LIPC: variants seen among roughly 807,000 people sequenced by gnomAD.
The protein encoded by LIPC is lipase C, hepatic type, also known as hepatic triacylglycerol lipase.
A neutral mutation model predicts 50.7 loss-of-function variants in LIPC; 44 were observed. That is an observed-to-expected ratio of 0.87 (90% CI 0.68 to 1.11). The LOEUF (loss-of-function observed/expected upper bound fraction) is 1.11, where lower values mean the gene tolerates loss of function less well. Ranked by LOEUF, LIPC falls within the 50% of genes most tolerant of loss-of-function variation. The probability of loss-of-function intolerance (pLI) is 0.00; values close to 1 mark genes in which losing one functional copy is unlikely to be tolerated. For synonymous variants in LIPC, 271 were observed against 256.4 expected (o/e 1.06, Z -0.54); for missense variants, 697 against 648.2 (o/e 1.08, Z -0.82).
At chr15:58,493,572 A>G (rs1206658540) in intron 1 of LIPC, among the ~76,000 whole-genome samples, 8 of 143,492 alleles carry the variant, frequency 5.6e-5, no homozygotes, top group African/African-American at 1.8e-4. Context: ...AATAAAATTT[A>G]TACAAAATTT....
chr15:58,564,380 C>T (rs776368743), intron 8 of LIPC, among the ~76,000 whole-genome samples: 2 of 152,044 alleles, frequency 1.3e-5, no homozygotes, highest in African/African-American at 2.4e-5. Flanking sequence ...TTAACATCTC[C>T]CGTGGCCCCA....
chr15:58,565,058 G>A, intron 8 of LIPC: 1 of 780,354 alleles, frequency 1.3e-6, no homozygotes. Context: ...ACTGCCAGAT[G>A]CCGGCCTGTG....
intron 1 of LIPC, among the ~76,000 whole-genome samples, chr15:58,511,848 C>T (rs1000227008): frequency 2.0e-5 from 3 of 152,124 alleles, no homozygotes; most frequent in East Asian, 1.9e-4. Flanking sequence ...TACAACCACA[C>T]GTTAGGATTC....
At chr15:58,555,858 C>T (rs553471801) in intron 6 of LIPC, among the ~76,000 whole-genome samples, 3 of 152,194 alleles carry the variant, frequency 2.0e-5, no homozygotes, top group South Asian at 2.1e-4. Context: ...CTCCAGAGCA[C>T]GGGGGAGCAG....
intron 1 of LIPC, chr15:58,436,469 C>A: frequency 3.9e-6 from 1 of 257,876 alleles, no homozygotes; most frequent in African/African-American, 2.2e-5. Context: ...ATTTGAATAT[C>A]TTAAAGTTAA....
intron 1 of LIPC, among the ~76,000 whole-genome samples, chr15:58,508,146 A>G (rs954246705): frequency 6.6e-6 from 1 of 151,264 alleles, no homozygotes; most frequent in African/African-American, 2.4e-5. Flanking sequence ...CTTCCTTGGT[A>G]TTTCCAGACT....
At chr15:58,498,750 G>A (rs1891865735) in intron 1 of LIPC, 1 of 152,130 alleles carries the variant, frequency 6.6e-6, no homozygotes, top group African/African-American at 2.4e-5. Flanking sequence ...CATTAGACTG[G>A]GAGTCACAAA....
At chr15:58,471,077 C>T (rs926580602) in intron 1 of LIPC, among the ~76,000 whole-genome samples, 3 of 151,022 alleles carry the variant, frequency 2.0e-5, no homozygotes, top group African/African-American at 7.3e-5. Flanking sequence ...TCAGGACATA[C>T]CCAATGACCT....
At chr15:58,432,783 T>G (rs1893169675) in intron 1 of LIPC, among the ~76,000 whole-genome samples, 1 of 152,190 alleles carries the variant, frequency 6.6e-6, no homozygotes, top group African/African-American at 2.4e-5. Context: ...GACCAATAAA[T>G]GACGGATCAG....
chr15:58,482,362 G>A (rs556211607), intron 1 of LIPC, among the ~76,000 whole-genome samples: 1 of 152,276 alleles, frequency 6.6e-6, no homozygotes, highest in South Asian at 2.1e-4. Flanking sequence ...TCCAGCTCAT[G>A]CTCTGTTCTC....
At chr15:58,445,107 GGGGCTCAGGGAGCCT>G (rs1452085266) in intron 1 of LIPC, among the ~76,000 whole-genome samples, 2 of 152,204 alleles carry the variant, frequency 1.3e-5, no homozygotes. Flanking sequence ...ATGGGGAGTG[GGGGCTCAGGGAGCCT>G]GGGCTGGGGA....
At chr15:58,565,177 A>G (rs1388373041) in intron 8 of LIPC, 1 of 1,534,798 alleles carries the variant, frequency 6.5e-7, no homozygotes, top group Non-Finnish European at 8.7e-7. Context: ...GTCTGCCAAC[A>G]GATCTCCCAA....
At chr15:58,446,204 ATTTC>A (rs1452960786) in intron 1 of LIPC, among the ~76,000 whole-genome samples, 4 of 152,048 alleles carry the variant, frequency 2.6e-5, no homozygotes, top group African/African-American at 9.7e-5. Flanking sequence ...ATACGCTAGT[ATTTC>A]TTTCTTTTTT....
chr15:58,558,919 G>A (rs1456806730), intron 6 of LIPC, among the ~76,000 whole-genome samples: 4 of 152,168 alleles, frequency 2.6e-5, no homozygotes, highest in African/African-American at 9.7e-5. Context: ...AACCCCTTTA[G>A]TAAACCCAAG....
intron 1 of LIPC, among the ~76,000 whole-genome samples, chr15:58,433,342 C>T (rs1893185661): frequency 6.6e-6 from 1 of 152,204 alleles, no homozygotes; most frequent in Admixed American, 6.5e-5. Context: ...TATCATAAAT[C>T]CTCAATGAGT....
intron 1 of LIPC, among the ~76,000 whole-genome samples, chr15:58,503,532 G>A (rs950797099): frequency 3.9e-5 from 6 of 152,156 alleles, no homozygotes; most frequent in East Asian, 1.9e-4. Context: ...TGATACTGGC[G>A]CATATCAGCA....
intron 1 of LIPC, among the ~76,000 whole-genome samples, chr15:58,471,285 C>T (rs1894787929): frequency 1.4e-5 from 2 of 146,908 alleles, no homozygotes; most frequent in Admixed American, 1.4e-4. Flanking sequence ...TACAGGCACT[C>T]GCCACCATGC....
intron 1 of LIPC, among the ~76,000 whole-genome samples, chr15:58,516,887 C>A (rs1892503215): frequency 6.6e-6 from 1 of 152,148 alleles, no homozygotes; most frequent in Non-Finnish European, 1.5e-5. Flanking sequence ...TAATTTTTGA[C>A]TAGATACCGG....
chr15:58,465,180 C>T (rs1380249528), intron 1 of LIPC, among the ~76,000 whole-genome samples: 2 of 152,184 alleles, frequency 1.3e-5, no homozygotes, highest in Non-Finnish European at 2.9e-5. Flanking sequence ...GTGTCAAGTG[C>T]ACCCTACATC....
Sources: allele counts gnomAD v4.1 joint callset (sites outside exome capture counted in the v4.1 genomes callset), GRCh38; gene constraint gnomAD v4.1.1; transcripts MANE v1.5; gene names NCBI Gene and HGNC (gene_info 2026-07-23, HGNC 2026-07-21).